The following ZNF423 variants were observed in gnomAD, a reference collection of about 807,000 sequenced individuals.
The protein encoded by ZNF423 is zinc finger protein 423, also known as Ebf-associated zinc finger protein.
ZNF423 carries 12 observed loss-of-function variants against 95.8 expected under a neutral mutation model. That is an observed-to-expected ratio of 0.13 (90% CI 0.08 to 0.20). The LOEUF is 0.20. Ranked by LOEUF, ZNF423 falls within the 10% of genes least tolerant of loss-of-function variation. The probability of loss-of-function intolerance (pLI) is 1.00; values close to 1 mark genes in which losing one functional copy is unlikely to be tolerated. For synonymous variants in ZNF423, 749 were observed against 711.9 expected, an observed-to-expected ratio of 1.05 and a Z score of -0.83; for missense variants, 1,316 against 1,737.1, an observed-to-expected ratio of 0.76 and a Z score of 4.31.
At chr16:49,615,352 G>T (rs931226918) in intron 5 of ZNF423, among the ~76,000 whole-genome samples, 2 of 152,154 alleles carry the variant, frequency 1.3e-5, no homozygotes, top group African/African-American at 4.8e-5. Context: ...AAAATGTATT[G>T]GCTGTTTATT....
chr16:49,746,726 C>T (rs2033532393), intron 2 of ZNF423, among the ~76,000 whole-genome samples: 1 of 152,190 alleles, frequency 6.6e-6, no homozygotes, highest in Non-Finnish European at 1.5e-5. Flanking sequence ...CCCACTTCGA[C>T]CTCCCAAAGT....
chr16:49,709,373 T>C (rs2032471206), intron 3 of ZNF423, among the ~76,000 whole-genome samples: 1 of 152,018 alleles, frequency 6.6e-6, no homozygotes, highest in African/African-American at 2.4e-5. Context: ...GCAGGGGTTC[T>C]TCACAATGAC....
chr16:49,820,683 G>A (rs1183110277), intron 1 of ZNF423, among the ~76,000 whole-genome samples: 1 of 152,044 alleles, frequency 6.6e-6, no homozygotes, highest in Non-Finnish European at 1.5e-5. Context: ...CTAATTACCT[G>A]GCTGTCTTTT....
intron 3 of ZNF423, among the ~76,000 whole-genome samples, chr16:49,653,596 A>G (rs912818658): frequency 6.6e-6 from 1 of 151,968 alleles, no homozygotes; most frequent in Admixed American, 6.5e-5. Context: ...CCCCTTTGCC[A>G]CCTCCAGGGA....
At chr16:49,565,593 C>A (rs1015430511) in intron 5 of ZNF423, among the ~76,000 whole-genome samples, 1 of 152,172 alleles carries the variant, frequency 6.6e-6, no homozygotes, top group East Asian at 1.9e-4. Flanking sequence ...TCAGAACCAA[C>A]GAGGACCTGG....
At chr16:49,792,018 A>AAAAAGAAAG (rs57175853) in intron 1 of ZNF423, among the ~76,000 whole-genome samples, 6 of 138,306 alleles carry the variant, frequency 4.3e-5, no homozygotes, top group South Asian at 2.3e-4. Flanking sequence ...AAAAAAAAAA[A>AAAAAGAAAG]AAAGAAAGAA....
chr16:49,629,306 A>G (rs1289467264), intron 4 of ZNF423, among the ~76,000 whole-genome samples: 1 of 152,114 alleles, frequency 6.6e-6, no homozygotes, highest in African/African-American at 2.4e-5. Context: ...CTACCTTTTG[A>G]TTGAAATTTC....
chr16:49,661,746 C>T (rs2030241632), intron 3 of ZNF423, among the ~76,000 whole-genome samples: 1 of 152,218 alleles, frequency 6.6e-6, no homozygotes, highest in Admixed American at 6.5e-5. Context: ...CAAAGCCCTG[C>T]ACCATGGAGG....
chr16:49,854,769 T>A (rs2035340371), intron 1 of ZNF423: 1 of 984,852 alleles, frequency 1.0e-6, no homozygotes, highest in South Asian at 4.7e-5. Context: ...TCTCCAGGGG[T>A]CCCCTCGAGC....
At chr16:49,623,423 A>C (rs968759773) in intron 5 of ZNF423, among the ~76,000 whole-genome samples, 2 of 152,234 alleles carry the variant, frequency 1.3e-5, no homozygotes, top group East Asian at 3.8e-4. Flanking sequence ...GCTCTGCACT[A>C]AAGGCAAGGT....
chr16:49,828,179 G>A (rs180960752), intron 1 of ZNF423, among the ~76,000 whole-genome samples: 1 of 152,248 alleles, frequency 6.6e-6, no homozygotes, highest in Admixed American at 6.5e-5. Flanking sequence ...ACTCAATCAA[G>A]CCACCCACCC....
At chr16:49,691,135 G>C (rs1026793102) in intron 3 of ZNF423, among the ~76,000 whole-genome samples, 2 of 152,246 alleles carry the variant, frequency 1.3e-5, no homozygotes, top group African/African-American at 4.8e-5. Flanking sequence ...GAGGGAGTCA[G>C]ACAGGTAGAC....
intron 3 of ZNF423, among the ~76,000 whole-genome samples, chr16:49,676,675 T>G (rs2031063601): frequency 6.6e-6 from 1 of 152,060 alleles, no homozygotes; most frequent in Admixed American, 6.6e-5. Context: ...ACACCCTAGA[T>G]GGGCATGGAA....
intron 1 of ZNF423, chr16:49,822,831 A>C (rs1201716785): frequency 6.5e-6 from 6 of 926,440 alleles, no homozygotes; most frequent in Admixed American, 5.7e-5. Context: ...TTGACAGATG[A>C]GCAAACTGAG....
chr16:49,607,544 G>A (rs556021397), intron 5 of ZNF423, among the ~76,000 whole-genome samples: 90 of 152,310 alleles, frequency 5.9e-4, no homozygotes, highest in African/African-American at 2.0e-3. Flanking sequence ...AGCCCCTGCA[G>A]CTTTAAAAGA....
intron 5 of ZNF423, among the ~76,000 whole-genome samples, chr16:49,583,015 A>T (rs1004311168): frequency 2.6e-5 from 4 of 152,190 alleles, no homozygotes; most frequent in African/African-American, 9.7e-5. Context: ...TCTCTTAGCG[A>T]CCTACTCAAA....
chr16:49,855,036 C>T lies in ZNF423; in HGVS notation c.40+699G>A, dbSNP rs1430372989. ...CTGAGGACCTGCGTCCCGCCGGCGC[C>T]GTGCAGACAATGAACTCCTGGCGGA... On this transcript the variant is annotated intron_variant, in intron 1 of 7. Coordinates refer to ENST00000563137, the MANE Select transcript of ZNF423 (RefSeq NM_001379286.1). The surrounding 1 kb of genome is among the most constrained non-coding windows in gnomAD (Gnocchi z 4.7). The T allele has an allele frequency of 1.0e-6, 1 of 984,926 alleles. No homozygotes were observed. Among genetic ancestry groups the T allele is most frequent in the Middle Eastern group, 5.2e-4 (1 of 1,912 alleles). 61.0% of individuals were successfully genotyped at this position (984,926 alleles called of 1,614,324 possible).
chr16:49,787,767 T>A (rs1488864857), intron 2 of ZNF423, among the ~76,000 whole-genome samples: 2 of 152,078 alleles, frequency 1.3e-5, no homozygotes, highest in Non-Finnish European at 2.9e-5. Flanking sequence ...CCACTGCTGT[T>A]CCCATCTGTC....
intron 1 of ZNF423, chr16:49,826,897 G>A (rs185205132): frequency 6.6e-6 from 1 of 152,130 alleles, no homozygotes; most frequent in Admixed American, 6.5e-5. Flanking sequence ...CTTTGAAAAG[G>A]CCACTGGGGA....
Sources: allele counts gnomAD v4.1 joint callset (sites outside exome capture counted in the v4.1 genomes callset), GRCh38; gene constraint gnomAD v4.1.1; non-coding constraint Gnocchi (gnomAD v3.1); transcripts MANE v1.5; gene names NCBI Gene and HGNC (gene_info 2026-07-23, HGNC 2026-07-21).